MPRIP: variants seen among roughly 807,000 people sequenced by gnomAD.
MPRIP encodes the protein myosin phosphatase Rho interacting protein.
In MPRIP, 59 loss-of-function variants were observed where a neutral mutation model predicts 234.9. That is an observed-to-expected ratio of 0.25 (90% CI 0.20 to 0.31). The LOEUF (loss-of-function observed/expected upper bound fraction) is 0.31, where lower values mean the gene tolerates loss of function less well. Ranked by LOEUF, MPRIP falls within the 10% of genes least tolerant of loss-of-function variation. The pLI is 1.00. For synonymous variants in MPRIP, 1,144 were observed against 1,263.9 expected (o/e 0.91, Z 2.01); for missense variants, 2,436 against 3,071.0 (o/e 0.79, Z 4.89).
intron 1 of MPRIP, among the ~76,000 whole-genome samples, chr17:17,069,258 A>G (rs2089133793): frequency 6.6e-6 from 1 of 152,160 alleles, no homozygotes; most frequent in Admixed American, 6.5e-5. Flanking sequence ...CTCTCCTTAG[A>G]TTAATATTTT....
At position 17,180,082 on chromosome 17, in the gene MPRIP, G is replaced by A. The variant is rs768260359; in HGVS notation, c.7200G>A (p.Arg2400=). The change falls in exon 23 of 24, where the codon AGG becomes AGA. Residue 2400 remains arginine (R), a synonymous_variant. Transcript: ENST00000651222. ...SCVTRQLRNI[R]SKSLKEGLTV... ...TCACCCGGCAACTCAGAAACATCAG[G>A]TCCAAGGTGAGTCTGGGGTCCAGCC... 1.9e-6 allele frequency: 3 copies of A among 1,587,758 alleles called. No homozygotes were observed. The highest frequency in any genetic ancestry group is 2.3e-5 in the South Asian group (2 of 85,912).
chr17:17,136,780 G>A (rs1384445767), intron 6 of MPRIP, among the ~76,000 whole-genome samples: 2 of 152,198 alleles, frequency 1.3e-5, no homozygotes, highest in African/African-American at 4.8e-5. Context: ...CTGCACCATC[G>A]TGTTTCTTTC....
At chr17:17,093,504 A>T (rs953283975) in intron 3 of MPRIP, among the ~76,000 whole-genome samples, 1 of 152,302 alleles carries the variant, frequency 6.6e-6, no homozygotes, top group East Asian at 1.9e-4. Flanking sequence ...GGGGGATTAC[A>T]TAAGATTTAC....
chr17:17,062,352 T>A (rs1237592706), intron 1 of MPRIP, among the ~76,000 whole-genome samples: 1 of 152,212 alleles, frequency 6.6e-6, no homozygotes, highest in Non-Finnish European at 1.5e-5. Flanking sequence ...GCATTTACAT[T>A]ACAAAAATGG....
intron 2 of MPRIP, 36 bp from the exon 3 acceptor site, chr17:17,077,975 G>C: frequency 6.2e-7 from 1 of 1,612,728 alleles, no homozygotes; most frequent in Non-Finnish European, 8.5e-7. Context: ...CCAGGACCCA[G>C]ATCCTCCTAA....
At chr17:17,132,619 C>T (rs907637802) in intron 5 of MPRIP, among the ~76,000 whole-genome samples, 1 of 152,186 alleles carries the variant, frequency 6.6e-6, no homozygotes, top group Non-Finnish European at 1.5e-5. Context: ...GTCTGGGTCC[C>T]TTTCTCTCCT....
Position 17,166,268 on chromosome 17 carries a change from G to A in MPRIP, c.4677G>A (p.Gln1559=). ...GCTCCCAGTCTGAGTTGACAGAGCA[G>A]GAGCAGGTGAGGCTTCTTTCTGACC... is the stretch of plus-strand genomic sequence containing the variant. The part of the protein sequence containing the change: ...QQCSQSELTE[Q]EQVRLLSDQI... Residue 1559 remains glutamine, a synonymous_variant, in exon 16 of 24, where the codon CAG becomes CAA. Transcript: ENST00000651222. This position sits in a 1 kb window ranked among gnomAD's most constrained non-coding sequence, Gnocchi z 4.4. 7.7e-7 allele frequency: 1 copy of A among 1,304,322 alleles called. No individual in the cohort carries two copies. The highest frequency in any genetic ancestry group is 1.2e-5 in the South Asian group (1 of 81,036). The allele number at this position is 1,304,322 out of a possible 1,614,324, so 80.8% of individuals were successfully genotyped here. A position where few individuals can be genotyped will look rare whatever the true frequency, so the allele number is the denominator to read the frequency against.
intron 5 of MPRIP, among the ~76,000 whole-genome samples, chr17:17,133,615 G>A (rs984284518): frequency 3.3e-5 from 5 of 152,164 alleles, no homozygotes; most frequent in Admixed American, 6.5e-5. Context: ...AGCTTGAAGC[G>A]TTGGCTGCCT....
At position 17,164,300 on chromosome 17, in the gene MPRIP, G is replaced by A. The variant is rs986494148; in HGVS notation, c.2709G>A (p.Gln903=). ...RHHEAEIRSL[Q]ARLSNAAAEL... is the part of the protein sequence containing the mutation. ...ACGAGGCTGAGATCCGGAGCCTTCA[G>A]GCACGGCTCAGCAATGCGGCCGCTG... Residue 903 remains glutamine (Q), a synonymous_variant, in exon 16 of 24, where the codon CAG becomes CAA. Coordinates refer to ENST00000651222, the MANE Select transcript of MPRIP (RefSeq NM_001364716.4). 1 of 1,304,152 alleles carries A rather than the reference G, an allele frequency of 7.7e-7. No individual in the cohort carries two copies. 80.8% of individuals were successfully genotyped at this position (1,304,152 alleles called of 1,614,324 possible).
intron 3 of MPRIP, among the ~76,000 whole-genome samples, chr17:17,083,181 C>T (rs760647307): frequency 1.3e-5 from 2 of 152,222 alleles, no homozygotes; most frequent in African/African-American, 2.4e-5. Flanking sequence ...CAGCTCACAT[C>T]CTCGGACATA....
At chr17:17,161,212 A>G (rs372623880) in intron 14 of MPRIP, 28 bp from the exon 15 acceptor site, 2 of 1,528,748 alleles carry the variant, frequency 1.3e-6, no homozygotes, top group South Asian at 1.1e-5. Context: ...GTCATTTTGC[A>G]TAAAAGTGTG....
At chr17:17,043,044 G>A in intron 1 of MPRIP, 73 bp downstream of exon 1, 5 of 1,445,236 alleles carry the variant, frequency 3.5e-6, no homozygotes, top group Non-Finnish European at 4.8e-6. Context: ...GCCGCCAAGG[G>A]CTGCAGGGAA....
intron 3 of MPRIP, chr17:17,096,766 A>G (rs557928262): frequency 2.1e-6 from 1 of 471,168 alleles, no homozygotes; most frequent in African/African-American, 2.0e-5. Context: ...TCCTCACTCC[A>G]GATGTCTTCC....
At chr17:17,122,193 T>TTAC (rs985630889) in intron 3 of MPRIP, among the ~76,000 whole-genome samples, 48 of 152,350 alleles carry the variant, frequency 3.2e-4, no homozygotes, top group African/African-American at 1.1e-3. Context: ...CTGCATCAAA[T>TTAC]GGTATTTCTA....
intron 16 of MPRIP, chr17:17,171,268 A>G (rs1161219467): frequency 6.2e-6 from 1 of 161,806 alleles, no homozygotes; most frequent in South Asian, 1.7e-4. Context: ...CCAGCAGACA[A>G]GTCCCTCATC....
intron 4 of MPRIP, among the ~76,000 whole-genome samples, chr17:17,127,528 G>A (rs761474493): frequency 6.6e-6 from 1 of 152,262 alleles, no homozygotes; most frequent in African/African-American, 2.4e-5. Flanking sequence ...AGTCTAGCAG[G>A]GAATTCTTTG....
At chr17:17,176,555 T>C in intron 21 of MPRIP, 43 bp downstream of exon 21, 1 of 1,463,818 alleles carries the variant, frequency 6.8e-7, no homozygotes. Flanking sequence ...GGGAACAGGC[T>C]CTAGGTGACA....
rs1278241379 is a variant in MPRIP, at chr17:17,188,521, T to A, written c.*3627T>A. The A allele has an allele frequency of 1.3e-5, 2 of 152,210 alleles. No individual in the cohort carries two copies. The highest frequency in any genetic ancestry group is 2.9e-5 in the Non-Finnish European group (2 of 68,038). 9.4% of individuals were successfully genotyped at this position (152,210 alleles called of 1,614,324 possible). On this transcript the variant is annotated 3_prime_UTR_variant, in exon 24 of 24. Transcript: ENST00000651222. ...CCAGCTCATGCTGGAGAAGAGGGAA[T>A]TTTGGCTGTTTAAAGAACACAGTTG... is the stretch of plus-strand genomic sequence containing the variant.
rs778671068 is a variant in MPRIP, at chr17:17,165,700, T to C, written c.4109T>C (p.Leu1370Pro). 5.0e-5 allele frequency: 65 copies of C among 1,304,936 alleles called. No individual in the cohort carries two copies. The highest frequency in any genetic ancestry group is 2.1e-4 in the Middle Eastern group (1 of 4,720). The allele number at this position is 1,304,936 out of a possible 1,614,324, so 80.8% of individuals were successfully genotyped here. A position where few individuals can be genotyped will look rare whatever the true frequency, so the allele number is the denominator to read the frequency against. ...SMSSEPAPSV[L>P]PATGDSDTYL... ...TCCTCAGAGCCTGCACCCAGTGTAC[T>C]GCCTGCAACTGGCGACTCTGACACG... Residue 1370 changes from leucine to proline, a missense_variant, in exon 16 of 24, where the codon CTG becomes CCG. Leu to Pro is a moderately conservative substitution (Grantham distance 98). Coordinates refer to ENST00000651222, the MANE Select transcript of MPRIP (RefSeq NM_001364716.4).
Sources: allele counts gnomAD v4.1 joint callset (sites outside exome capture counted in the v4.1 genomes callset), GRCh38; gene constraint gnomAD v4.1.1; non-coding constraint Gnocchi (gnomAD v3.1); transcripts MANE v1.5; gene names NCBI Gene and HGNC (gene_info 2026-07-23, HGNC 2026-07-21).